OSBPL11: variants seen among roughly 807,000 people sequenced by gnomAD.
The protein encoded by OSBPL11 is oxysterol binding protein like 11, also known as oxysterol-binding protein-related protein 11.
A neutral mutation model predicts 84.4 loss-of-function variants in OSBPL11; 33 were observed. The observed-to-expected ratio is 0.39, with a 90% CI of 0.30 to 0.52. OSBPL11 has a LOEUF of 0.52. Ranked by LOEUF, OSBPL11 falls within the 20% of genes least tolerant of loss-of-function variation. OSBPL11 has a pLI of 0.72. For missense variants in OSBPL11, 736 were observed against 901.1 expected (o/e 0.82, Z 2.35); for synonymous variants, 276 against 310.2 (o/e 0.89, Z 1.16).
intron 4 of OSBPL11, 136 bp downstream of exon 4, chr3:125,578,824 C>A: frequency 2.3e-6 from 1 of 435,220 alleles, no homozygotes; most frequent in South Asian, 7.1e-5. Context: ...ATACTAAAAA[C>A]CACAGGATTA....
chr3:125,582,276 A>G (rs1325613643), intron 2 of OSBPL11, among the ~76,000 whole-genome samples: 1 of 151,984 alleles, frequency 6.6e-6, no homozygotes, highest in Non-Finnish European at 1.5e-5. Context: ...CAGAGGTTAC[A>G]GTGAGCCGAG....
chr3:125,585,105 C>T (rs1218689461), intron 1 of OSBPL11, among the ~76,000 whole-genome samples: 1 of 152,034 alleles, frequency 6.6e-6, no homozygotes, highest in Non-Finnish European at 1.5e-5. Flanking sequence ...TAACATCAAT[C>T]GCTAAAAAGA....
Position 125,567,583 on chromosome 3 carries a change from C to T in OSBPL11, c.679G>A (p.Ala227Thr). 6.2e-7 allele frequency: 1 copy of T among 1,613,810 alleles called. No homozygotes were observed. Among genetic ancestry groups the T allele is most frequent in the Non-Finnish European group, 8.5e-7 (1 of 1,179,704 alleles). ...ATTAAGTCTCTTTGTTGTCCTTCAG[C>T]ATGAGACATCATCTAAGGAAAAAAC... ...LVEVREMMSH[A>T]EGQQRDLIRR... The change falls in exon 6 of 13, where the codon GCT becomes ACT. Residue 227 changes from alanine (A) to threonine (T), a missense_variant. This residue lies in a region of OSBPL11 where 579 missense variants were observed against 717.6 expected (regional missense o/e 0.81). Transcript: ENST00000296220.
chr3:125,556,647 T>C (rs1935995109), intron 8 of OSBPL11, among the ~76,000 whole-genome samples: 1 of 152,230 alleles, frequency 6.6e-6, no homozygotes, highest in African/African-American at 2.4e-5. Flanking sequence ...AGCCAGAGAC[T>C]CAAATGTTTA....
At chr3:125,533,927 T>C (rs1023929526) in intron 11 of OSBPL11, among the ~76,000 whole-genome samples, 1 of 152,212 alleles carries the variant, frequency 6.6e-6, no homozygotes, top group South Asian at 2.1e-4. Context: ...CTGACGTTTA[T>C]AGAACACACT....
chr3:125,594,546 T>G, intron 1 of OSBPL11, 91 bp downstream of exon 1: 1 of 1,476,994 alleles, frequency 6.8e-7, no homozygotes, highest in Non-Finnish European at 9.1e-7. Context: ...GTGAAAAAAC[T>G]TTTATCTTTC....
intron 5 of OSBPL11, among the ~76,000 whole-genome samples, chr3:125,574,237 T>A (rs997490546): frequency 1.3e-5 from 2 of 150,830 alleles, no homozygotes; most frequent in Non-Finnish European, 2.9e-5. Flanking sequence ...CCACTAGTGG[T>A]CACTGTATTC....
intron 5 of OSBPL11, among the ~76,000 whole-genome samples, chr3:125,573,397 G>A (rs1475781386): frequency 6.6e-6 from 1 of 152,136 alleles, no homozygotes; most frequent in Non-Finnish European, 1.5e-5. Flanking sequence ...ATGGTCATTT[G>A]AGTTACTCAC....
At chr3:125,583,661 TA>T (rs1452901617) in intron 1 of OSBPL11, among the ~76,000 whole-genome samples, 1 of 143,758 alleles carries the variant, frequency 7.0e-6, no homozygotes, top group Non-Finnish European at 1.5e-5. Flanking sequence ...GAGATCAAGA[TA>T]GGGGGATCAC....
At chr3:125,555,933 T>C (rs1935985171) in intron 8 of OSBPL11, among the ~76,000 whole-genome samples, 1 of 152,182 alleles carries the variant, frequency 6.6e-6, no homozygotes, top group South Asian at 2.1e-4. Context: ...TCTGCCTGCT[T>C]TGGCCTCCCA....
chr3:125,578,548 A>G (rs1336011048), intron 4 of OSBPL11, among the ~76,000 whole-genome samples: 2 of 152,236 alleles, frequency 1.3e-5, no homozygotes, highest in Admixed American at 6.5e-5. Flanking sequence ...GTTCGAGGCC[A>G]GCCTGGCCAA....
chr3:125,569,832 T>G (rs1936217125), intron 5 of OSBPL11, among the ~76,000 whole-genome samples: 1 of 152,198 alleles, frequency 6.6e-6, no homozygotes, highest in Non-Finnish European at 1.5e-5. Context: ...GAGTACATAC[T>G]ATATGATTCC....
At position 125,571,512 on chromosome 3, in the gene OSBPL11, G is replaced by A. The variant is rs533669089; in HGVS notation, c.667-3917C>T. On this transcript the variant is annotated intron_variant, in intron 5 of 12. Coordinates refer to ENST00000296220, the MANE Select transcript of OSBPL11 (RefSeq NM_022776.5). ...TGGCAGACCCTCTCATCATAGGCCC[G>A]GAGGCCTAGCAGAAAAAAGTGGTTT... Among the ~76,000 whole-genome samples the A allele has an allele frequency of 2.2e-4, 34 of 152,210 alleles. No homozygotes were observed. The East Asian group carries it at 5.0e-3, about 23-fold the overall frequency.
chr3:125,548,830 G>C (rs975968194), intron 9 of OSBPL11, among the ~76,000 whole-genome samples: 1 of 151,372 alleles, frequency 6.6e-6, no homozygotes, highest in Non-Finnish European at 1.5e-5. Context: ...TAAGCAAATA[G>C]ACAAAATGAG....
At chr3:125,531,416 C>T (rs889769937) in intron 12 of OSBPL11, among the ~76,000 whole-genome samples, 5 of 151,760 alleles carry the variant, frequency 3.3e-5, no homozygotes, top group Admixed American at 6.6e-5. Context: ...CTCAGCCTCC[C>T]GAGTAGCTGG....
intron 9 of OSBPL11, among the ~76,000 whole-genome samples, chr3:125,548,312 C>T (rs1166265677): frequency 6.6e-6 from 1 of 152,114 alleles, no homozygotes; most frequent in African/African-American, 2.4e-5. Flanking sequence ...AAGTCATAGA[C>T]ATTCATCTAA....
chr3:125,552,582 C>T lies in OSBPL11; in HGVS notation c.1253G>A (p.Gly418Glu). Residue 418 changes from glycine to glutamate, a missense_variant, in exon 9 of 13, where the codon GGA becomes GAA. Around this residue, in one of 3 missense-constraint regions of OSBPL11, gnomAD observed 579 missense variants for 717.6 expected, o/e 0.81. Coordinates refer to ENST00000296220, the MANE Select transcript of OSBPL11 (RefSeq NM_022776.5). ...AATCATTCTGTCCTCAGCTGTGGCT[C>T]CATTAGTGATGGCTATAAATAGGTC... Reference protein sequence around the residue: ...HPDLFIAITNGATAEDRMIRF... With the variant: ...HPDLFIAITNEATAEDRMIRF... The T allele has an allele frequency of 6.2e-7, 1 of 1,614,156 alleles. No homozygotes were observed. The highest frequency in any genetic ancestry group is 8.5e-7 in the Non-Finnish European group (1 of 1,180,036).
chr3:125,594,007 T>C (rs1429172036), intron 1 of OSBPL11, among the ~76,000 whole-genome samples: 1 of 152,228 alleles, frequency 6.6e-6, no homozygotes, highest in Non-Finnish European at 1.5e-5. Context: ...TCATTCATAT[T>C]AGTGAAAATT....
At chr3:125,585,851 A>G (rs1414322761) in intron 1 of OSBPL11, among the ~76,000 whole-genome samples, 1 of 152,206 alleles carries the variant, frequency 6.6e-6, no homozygotes. Flanking sequence ...GTGACTGAAC[A>G]TCTGATTCAC....
Sources: allele counts gnomAD v4.1 joint callset (sites outside exome capture counted in the v4.1 genomes callset), GRCh38; gene constraint gnomAD v4.1.1; regional missense constraint gnomAD v4.1.1; transcripts MANE v1.5; gene names NCBI Gene and HGNC (gene_info 2026-07-23, HGNC 2026-07-21).